ANK3: variants seen among roughly 807,000 people sequenced by gnomAD.
The protein encoded by ANK3 is ankyrin-3.
A neutral mutation model predicts 370.9 loss-of-function variants in ANK3; 57 were observed. That is an observed-to-expected ratio of 0.15 (90% confidence interval 0.12 to 0.19). The LOEUF (loss-of-function observed/expected upper bound fraction) is 0.19, where lower values mean the gene tolerates loss of function less well. ANK3 is among the 10% of genes least tolerant of loss of function. ANK3 has a pLI of 1.00. For missense variants in ANK3, 4,439 were observed against 5,302.1 expected, an observed-to-expected ratio of 0.84 and a Z score of 5.06; for synonymous variants, 1,929 against 1,946.3, an observed-to-expected ratio of 0.99 and a Z score of 0.23.
intron 2 of ANK3, among the ~76,000 whole-genome samples, chr10:60,490,184 C>A (rs2075456798): frequency 6.6e-6 from 1 of 152,170 alleles, no homozygotes; most frequent in African/African-American, 2.4e-5. Flanking sequence ...TTATTCAAAG[C>A]ATGAATGTCT....
At position 60,397,912 on chromosome 10, in the gene ANK3, AG is replaced by A. The variant is rs550495770; in HGVS notation, c.97-118274del. Among the ~76,000 whole-genome samples, 267 of 152,342 alleles carry A rather than the reference AG, an allele frequency of 1.8e-3. 1 individual carries two copies. Among genetic ancestry groups the A allele is most frequent in the African/African-American group, 6.2e-3 (257 of 41,578 alleles). Reference sequence around the variant, plus strand: ...CATTCTTTCCCAATATCTTTTAAAAAGGGGCTGAGAGTGAACAGCATTGTTT... The same window carrying A: ...CATTCTTTCCCAATATCTTTTAAAAAGGGCTGAGAGTGAACAGCATTGTTT... On this transcript the variant is annotated intron_variant, in intron 2 of 43. Coordinates refer to the ANK3 transcript ENST00000373827.
At position 60,169,370 on chromosome 10, in the gene ANK3, T is replaced by G. The variant is rs907589904; in HGVS notation, c.2479-2474A>C. Among the ~76,000 whole-genome samples, 1,172 of 149,302 alleles carry G rather than the reference T, an allele frequency of 7.8e-3. 18 individuals are homozygous for G. The highest frequency in any genetic ancestry group is 0.028 in the African/African-American group (1,120 of 40,320). On this transcript the variant is annotated intron_variant, in intron 21 of 43. Transcript: ENST00000280772. ...AACTGGGGCTTGTCTCATAGTTTTT[T>G]TTTTTTTTTTTTTTTTTTAATAGAC...
intron 2 of ANK3, among the ~76,000 whole-genome samples, chr10:60,579,612 C>A (rs1165071685): frequency 6.6e-6 from 1 of 151,984 alleles, no homozygotes; most frequent in Admixed American, 6.6e-5. Context: ...TCATTATTAA[C>A]CCTCAGAGTA....
intron 2 of ANK3, among the ~76,000 whole-genome samples, chr10:60,416,955 T>C (rs1014927873): frequency 6.6e-6 from 1 of 151,996 alleles, no homozygotes; most frequent in Non-Finnish European, 1.5e-5. Flanking sequence ...TGAGAGAAAA[T>C]TGTACCAAGA....
chr10:60,393,986 C>T (rs1400939139), upstream of ANK3, among the ~76,000 whole-genome samples: 1 of 151,552 alleles, frequency 6.6e-6, no homozygotes, highest in Admixed American at 6.6e-5. Flanking sequence ...CTCCTCAACC[C>T]TAATCCAGGT....
chr10:60,084,963 A>G (rs574573674), intron 31 of ANK3, 133 bp from the exon 32 acceptor site: 1 of 769,758 alleles, frequency 1.3e-6, no homozygotes, highest in East Asian at 2.8e-5. Context: ...TCATTTAAAC[A>G]GCAAAGATGC....
intron 2 of ANK3, among the ~76,000 whole-genome samples, chr10:60,472,900 C>T (rs1203016778): frequency 6.6e-6 from 1 of 152,150 alleles, no homozygotes; most frequent in Non-Finnish European, 1.5e-5. Context: ...ACAGCATCCT[C>T]TTCTTCATGG....
chr10:60,031,405 G>C lies in ANK3; in HGVS notation c.*20-1579C>G, dbSNP rs568916244. On this transcript the variant is annotated intron_variant, in intron 43 of 43. Coordinates refer to ENST00000280772, the MANE Select transcript of ANK3 (RefSeq NM_020987.5). ...CAAAATAAATCATTCTTTGGCAGAG[G>C]TTTTCATACTTTTGTGTGCTATTGT... Among the ~76,000 whole-genome samples the C allele has an allele frequency of 5.9e-5, 9 of 152,174 alleles. No individual in the cohort carries two copies. The East Asian group carries it at 1.4e-3, about 23-fold the overall frequency.
intron 8 of ANK3, among the ~76,000 whole-genome samples, chr10:60,218,539 G>A (rs1302546159): frequency 6.6e-6 from 1 of 152,074 alleles, no homozygotes; most frequent in African/African-American, 2.4e-5. Context: ...CTTCACTTAT[G>A]AAGCTTAGTT....
At chr10:60,553,155 T>C (rs923214154) in intron 2 of ANK3, among the ~76,000 whole-genome samples, 3 of 152,320 alleles carry the variant, frequency 2.0e-5, no homozygotes, top group Admixed American at 2.0e-4. Context: ...ACCGTCTAAA[T>C]GGCAAACTTC....
At chr10:60,046,610 T>C (rs914104241) in intron 42 of ANK3, among the ~76,000 whole-genome samples, 1 of 152,124 alleles carries the variant, frequency 6.6e-6, no homozygotes, top group Non-Finnish European at 1.5e-5. Context: ...CAAAACCTAT[T>C]TATAAATAAT....
At chr10:60,542,215 A>G (rs1389512668) in intron 2 of ANK3, among the ~76,000 whole-genome samples, 2 of 151,760 alleles carry the variant, frequency 1.3e-5, no homozygotes, top group African/African-American at 2.4e-5. Flanking sequence ...ATATAAAAAA[A>G]TTATATATAT....
At chr10:60,458,423 T>A (rs2064804358) in intron 2 of ANK3, among the ~76,000 whole-genome samples, 1 of 152,038 alleles carries the variant, frequency 6.6e-6, no homozygotes, top group Non-Finnish European at 1.5e-5. Context: ...TAAGTAATAA[T>A]TAGGCACCCC....
chr10:60,069,964 A>G lies in ANK3; in HGVS notation c.10917T>C (p.Ser3639=). 6.2e-7 allele frequency: 1 copy of G among 1,614,084 alleles called. No homozygotes were observed. Among genetic ancestry groups the G allele is most frequent in the Non-Finnish European group, 8.5e-7 (1 of 1,180,008 alleles). Residue 3639 remains serine, a synonymous_variant, in exon 37 of 44, where the codon TCT becomes TCC. Transcript: ENST00000280772. ...LQFFQIGEHT[S]EGKSGDQGEG... ...CCCCCTGGTCCCCTGACTTCCCTTC[A>G]GAAGTATGCTCACCAATCTGGAAAA... is the stretch of plus-strand genomic sequence containing the variant.
At chr10:60,252,034 C>T (rs2097675180) in intron 7 of ANK3, among the ~76,000 whole-genome samples, 1 of 152,190 alleles carries the variant, frequency 6.6e-6, no homozygotes, top group South Asian at 2.1e-4. Context: ...ATTATCTGGT[C>T]CATGCTGATC....
chr10:60,530,453 C>CA (rs5785453), intron 2 of ANK3, among the ~76,000 whole-genome samples: 59,856 of 145,294 alleles, frequency 0.41, 12,450 homozygotes, highest in Middle Eastern at 0.51. Context: ...TAATCTTCAC[C>CA]AAAAAAAAAA....
intron 1 of ANK3, among the ~76,000 whole-genome samples, chr10:60,624,929 G>A (rs554112180): frequency 6.6e-6 from 1 of 152,118 alleles, no homozygotes; most frequent in African/African-American, 2.4e-5. Flanking sequence ...TGAAGCAGGG[G>A]AAATGAGAAG....
chr10:60,233,496 A>G (rs375191773), intron 8 of ANK3, among the ~76,000 whole-genome samples: 3 of 152,240 alleles, frequency 2.0e-5, no homozygotes, highest in East Asian at 1.9e-4. Flanking sequence ...CTGAGGTGTG[A>G]TCAAAGCCTA....
intron 2 of ANK3, among the ~76,000 whole-genome samples, chr10:60,461,475 T>C (rs2064882375): frequency 1.3e-5 from 2 of 152,092 alleles, no homozygotes; most frequent in Admixed American, 6.6e-5. Flanking sequence ...GAAGCACAGA[T>C]AGGTACATCA....
Sources: allele counts gnomAD v4.1 joint callset (sites outside exome capture counted in the v4.1 genomes callset), GRCh38; gene constraint gnomAD v4.1.1; transcripts MANE v1.5; gene names NCBI Gene and HGNC (gene_info 2026-07-23, HGNC 2026-07-21).